SNX29: variants seen among roughly 807,000 people sequenced by gnomAD.
SNX29 encodes sorting nexin 29, also known as sorting nexin-29.
Under a neutral mutation model 102.1 loss-of-function variants are expected in SNX29, and 78 were observed. That is an observed-to-expected ratio of 0.76 (90% CI 0.64 to 0.92). The LOEUF (loss-of-function observed/expected upper bound fraction) is 0.92, where lower values mean the gene tolerates loss of function less well. Among genes scored for constraint, SNX29 ranks in the 40% least tolerant of loss-of-function variants. The pLI is 0.00. For synonymous variants in SNX29, 580 were observed against 414.5 expected, an observed-to-expected ratio of 1.40 and a Z score of -4.85; for missense variants, 1,280 against 1,061.7, an observed-to-expected ratio of 1.21 and a Z score of -2.86.
chr16:12,364,322 T>C (rs1397090140), intron 16 of SNX29, among the ~76,000 whole-genome samples: 1 of 152,126 alleles, frequency 6.6e-6, no homozygotes, highest in Non-Finnish European at 1.5e-5. Context: ...ATTATAGGTG[T>C]GAGCCACCAA....
At chr16:12,357,250 A>T (rs1486207588) in intron 16 of SNX29, among the ~76,000 whole-genome samples, 1 of 152,156 alleles carries the variant, frequency 6.6e-6, no homozygotes, top group South Asian at 2.1e-4. Context: ...GTTTCAGGTT[A>T]TCTACATCTG....
At chr16:12,490,372 A>G (rs145970319) in intron 19 of SNX29, among the ~76,000 whole-genome samples, 83 of 152,336 alleles carry the variant, frequency 5.4e-4, no homozygotes, top group African/African-American at 1.8e-3. Flanking sequence ...TGTTGCAAGT[A>G]GCAATTGTTG....
rs538704327 is a variant in SNX29 at position 12,558,813 on chromosome 16, C to G, written c.2319-9693C>G. Among the ~76,000 whole-genome samples, 24 of 152,308 alleles carry G rather than the reference C, an allele frequency of 1.6e-4. No individual in the cohort carries two copies. The Middle Eastern group carries it at 0.01, about 65-fold the overall frequency. The stretch of plus-strand genomic sequence containing the variant: ...CAGTTTATCTGCCTGATAAGGGCTC[C>G]CTAGGGGCAGGGCCACAGTCACCAA... On this transcript the variant is annotated intron_variant, in intron 20 of 20. Coordinates refer to ENST00000566228, the MANE Select transcript of SNX29 (RefSeq NM_032167.5).
At chr16:12,201,386 C>T (rs1334009643) in intron 14 of SNX29, among the ~76,000 whole-genome samples, 4 of 152,224 alleles carry the variant, frequency 2.6e-5, no homozygotes, top group Admixed American at 2.6e-4. Context: ...TAGCCCTTTA[C>T]AGCCTTTCCA....
chr16:12,477,579 G>A (rs2087714066), intron 18 of SNX29, 140 bp from the exon 19 acceptor site: 1 of 959,226 alleles, frequency 1.0e-6, no homozygotes, highest in Non-Finnish European at 1.6e-6. Flanking sequence ...CCTGCTCTAT[G>A]CCAGGAACTG....
At chr16:12,431,522 G>T (rs2085316706) in intron 18 of SNX29, among the ~76,000 whole-genome samples, 1 of 149,982 alleles carries the variant, frequency 6.7e-6, no homozygotes, top group Non-Finnish European at 1.5e-5. Context: ...CTGCTCTGTG[G>T]TCTAATGAAA....
chr16:12,325,913 C>A (rs748683580), intron 15 of SNX29, among the ~76,000 whole-genome samples: 44 of 151,950 alleles, frequency 2.9e-4, no homozygotes, highest in African/African-American at 1.1e-3. Context: ...CCCGTAGTTT[C>A]GACTGTTCAG....
intron 20 of SNX29, among the ~76,000 whole-genome samples, chr16:12,542,429 A>C (rs760262947): frequency 6.6e-6 from 1 of 152,188 alleles, no homozygotes; most frequent in Non-Finnish European, 1.5e-5. Context: ...TTCGCCTCCC[A>C]AGTTCAATTT....
chr16:12,214,265 A>G (rs1004220937), intron 14 of SNX29, among the ~76,000 whole-genome samples: 2 of 152,234 alleles, frequency 1.3e-5, no homozygotes, highest in Non-Finnish European at 2.9e-5. Flanking sequence ...CACAACAGGA[A>G]CAATTGGAGT....
chr16:12,141,755 G>T (rs1175025450), intron 13 of SNX29, among the ~76,000 whole-genome samples: 1 of 152,178 alleles, frequency 6.6e-6, no homozygotes. Flanking sequence ...CAGTGAGGAC[G>T]ACCAGAGGTC....
chr16:11,996,173 G>T (rs1328599242), intron 1 of SNX29, among the ~76,000 whole-genome samples: 3 of 152,194 alleles, frequency 2.0e-5, no homozygotes, highest in South Asian at 2.1e-4. Context: ...GGAGGCAGAG[G>T]CAGGAGGATC....
intron 2 of SNX29, 96 bp downstream of exon 2, chr16:11,999,454 C>T (rs1191866445): frequency 4.2e-6 from 5 of 1,183,272 alleles, no homozygotes; most frequent in Non-Finnish European, 4.9e-6. Context: ...CAGACTAACT[C>T]CCACTTTATA....
At chr16:12,048,344 C>G (rs1359721615) in intron 6 of SNX29, 28 bp from the exon 7 acceptor site, 1 of 1,613,686 alleles carries the variant, frequency 6.2e-7, no homozygotes, top group Non-Finnish European at 8.5e-7. Context: ...TCAGCAAGCA[C>G]TCCAGACTTT....
At chr16:12,481,397 C>T (rs8044766) in intron 19 of SNX29, among the ~76,000 whole-genome samples, 5,254 of 117,050 alleles carry the variant, frequency 0.045, 136 homozygotes, top group African/African-American at 0.094. Flanking sequence ...TATATATATA[C>T]ACACACACAC....
intron 15 of SNX29, among the ~76,000 whole-genome samples, chr16:12,300,814 A>T (rs542562772): frequency 3.3e-5 from 5 of 152,248 alleles, no homozygotes; most frequent in African/African-American, 1.2e-4. Flanking sequence ...CGCATGTTGC[A>T]GGGTGTTTAG....
Position 12,568,508 on chromosome 16 carries a change from A to T in SNX29, c.2321A>T (p.Asp774Val), listed in dbSNP as rs1385010356. 1 of 1,609,852 alleles carries T rather than the reference A, an allele frequency of 6.2e-7. No homozygotes were observed. Among genetic ancestry groups the T allele is most frequent in the Non-Finnish European group, 8.5e-7 (1 of 1,179,824 alleles). The change falls in exon 21 of 21, where the codon GAC becomes GTC. Residue 774 changes from aspartate to valine, a missense_variant and splice_region_variant. Physicochemically the swap from Asp to Val is radical, Grantham distance 152. Coordinates refer to ENST00000566228, the MANE Select transcript of SNX29 (RefSeq NM_032167.5). ...TLIQLMPFFV[D>V]ITPPGEPVNS... is the part of the protein sequence containing the mutation. ...CGATTCTCTCCCTGCTCTTTCAGCGACATCACCCCGCCCGGAGAGCCTGTG... is the reference window on the plus strand; with the variant it reads ...CGATTCTCTCCCTGCTCTTTCAGCGTCATCACCCCGCCCGGAGAGCCTGTG...
At chr16:12,050,558 G>T (rs533092897) in intron 7 of SNX29, among the ~76,000 whole-genome samples, 5 of 152,276 alleles carry the variant, frequency 3.3e-5, no homozygotes, top group Non-Finnish European at 7.3e-5. Context: ...TGGAATCAGT[G>T]CTGGGGCAGC....
intron 19 of SNX29, among the ~76,000 whole-genome samples, chr16:12,518,714 AC>A (rs1165193203): frequency 1.3e-5 from 2 of 152,098 alleles, no homozygotes; most frequent in Non-Finnish European, 2.9e-5. Flanking sequence ...GATCATCAGC[AC>A]CTGTCACAGG....
intron 18 of SNX29, among the ~76,000 whole-genome samples, chr16:12,438,381 T>C (rs1349454193): frequency 6.6e-6 from 1 of 152,048 alleles, no homozygotes; most frequent in East Asian, 1.9e-4. Flanking sequence ...CTGGTGTCCT[T>C]CTCCTTTCCC....
Sources: allele counts gnomAD v4.1 joint callset (sites outside exome capture counted in the v4.1 genomes callset), GRCh38; gene constraint gnomAD v4.1.1; transcripts MANE v1.5; gene names NCBI Gene and HGNC (gene_info 2026-07-23, HGNC 2026-07-21).